Variants in AFF3 observed in about 807,000 individuals in gnomAD.
The protein encoded by AFF3 is ALF transcription elongation factor 3, also known as AF4/FMR2 family member 3.
In AFF3, 32 loss-of-function variants were observed where a neutral mutation model predicts 129.7. That is an observed-to-expected ratio of 0.25 (90% CI 0.19 to 0.33). The LOEUF (loss-of-function observed/expected upper bound fraction) is 0.33. Ranked by LOEUF, AFF3 falls within the 10% of genes least tolerant of loss-of-function variation. The pLI is 1.00. For missense variants in AFF3, 1,373 were observed against 1,592.0 expected (o/e 0.86, Z 2.34); for synonymous variants, 644 against 635.4 (o/e 1.01, Z -0.20).
At chr2:99,701,792 T>G (rs973073910) in intron 11 of AFF3, among the ~76,000 whole-genome samples, 2 of 152,212 alleles carry the variant, frequency 1.3e-5, no homozygotes, top group African/African-American at 4.8e-5. Context: ...ACCACAAACG[T>G]CTTTCATGCC....
chr2:99,557,279 CT>C (rs201716560), intron 22 of AFF3, among the ~76,000 whole-genome samples: 4,547 of 133,620 alleles, frequency 0.034, 141 homozygotes, highest in African/African-American at 0.11. Context: ...TTGTGTTTTC[CT>C]TTTTTTTTTT....
At chr2:99,590,664 G>A (rs981239090) in intron 15 of AFF3, among the ~76,000 whole-genome samples, 3 of 152,202 alleles carry the variant, frequency 2.0e-5, no homozygotes, top group Non-Finnish European at 4.4e-5. Flanking sequence ...AATGGCCAGT[G>A]CTGGGTGGAA....
chr2:99,928,909 C>T (rs533076496), intron 7 of AFF3, among the ~76,000 whole-genome samples: 2 of 152,208 alleles, frequency 1.3e-5, no homozygotes, highest in South Asian at 2.1e-4. Context: ...CAACTCTGAC[C>T]GCACAAACAC....
chr2:100,132,504 G>A (rs952669975), intron 1 of AFF3, among the ~76,000 whole-genome samples: 1 of 152,042 alleles, frequency 6.6e-6, no homozygotes, highest in African/African-American at 2.4e-5. Context: ...ACTTAATGAA[G>A]AGAGAAAAAA....
At chr2:100,123,061 T>C (rs1432500204) in intron 2 of AFF3, among the ~76,000 whole-genome samples, 1 of 152,186 alleles carries the variant, frequency 6.6e-6, no homozygotes, top group East Asian at 1.9e-4. Context: ...CAAAAATGGA[T>C]GTAAAAAAGT....
At chr2:99,552,211 C>T (rs1295000846) in intron 24 of AFF3, among the ~76,000 whole-genome samples, 1 of 152,216 alleles carries the variant, frequency 6.6e-6, no homozygotes, top group Admixed American at 6.5e-5. Flanking sequence ...CATGGCAAAA[C>T]CCTGTCTCTA....
chr2:99,962,108 CTT>C (rs1403705767), intron 7 of AFF3, among the ~76,000 whole-genome samples: 2 of 152,152 alleles, frequency 1.3e-5, no homozygotes. Context: ...AGGAAGCACT[CTT>C]TATCCATTTC....
At chr2:99,579,748 A>G (rs76224130) in intron 17 of AFF3, among the ~76,000 whole-genome samples, 19 of 74,668 alleles carry the variant, frequency 2.5e-4, no homozygotes, top group African/African-American at 2.3e-3. Flanking sequence ...GTGTGTGTGT[A>G]TATATATATA....
intron 11 of AFF3, among the ~76,000 whole-genome samples, chr2:99,697,577 A>G (rs6542888): frequency 0.076 from 11,587 of 152,314 alleles, 503 homozygotes; most frequent in East Asian, 0.11. Flanking sequence ...TTAAATAGGC[A>G]AGACATTCTG....
intron 8 of AFF3, among the ~76,000 whole-genome samples, chr2:99,783,357 T>TC (rs1381346460): frequency 2.0e-5 from 3 of 152,226 alleles, no homozygotes; most frequent in African/African-American, 7.2e-5. Flanking sequence ...TGACGCACTG[T>TC]CAGTGTCTGG....
At chr2:100,115,357 G>T (rs1216802593) in intron 2 of AFF3, among the ~76,000 whole-genome samples, 1 of 152,100 alleles carries the variant, frequency 6.6e-6, no homozygotes, top group African/African-American at 2.4e-5. Context: ...AGACCAGTTT[G>T]GCCAACATGG....
rs1313207040 is a variant in AFF3, at chr2:99,546,992, C to G, written c.*4482G>C. On this transcript the variant is annotated 3_prime_UTR_variant, in exon 25 of 25. Coordinates refer to ENST00000672756, the MANE Select transcript of AFF3 (RefSeq NM_001386135.1). ...CGCGTGTGTGCGTATGTGTATGTAT[C>G]AGGAAATAGCAAAGACAAATAGTAA... 1.4e-5 allele frequency: 3 copies of G among 220,486 alleles called. No homozygotes were observed. The highest frequency in any genetic ancestry group is 2.7e-5 in the Non-Finnish European group (3 of 110,172). The allele number at this position is 220,486 out of a possible 1,614,324, so 13.7% of individuals were successfully genotyped here. A position where few individuals can be genotyped will look rare whatever the true frequency, so the allele number is the denominator to read the frequency against.
chr2:99,700,741 A>C (rs1326202410), intron 11 of AFF3, among the ~76,000 whole-genome samples: 1 of 152,232 alleles, frequency 6.6e-6, no homozygotes, highest in African/African-American at 2.4e-5. Flanking sequence ...AACAACGTCC[A>C]GAAGACAGAC....
intron 13 of AFF3, among the ~76,000 whole-genome samples, chr2:99,628,467 A>AT (rs1292654115): frequency 6.6e-6 from 1 of 152,166 alleles, no homozygotes; most frequent in Non-Finnish European, 1.5e-5. Context: ...AACTGAGACA[A>AT]TGGGGGTTTT....
chr2:100,107,554 A>AGAAAAGAC, intron 2 of AFF3: 1 of 968,842 alleles, frequency 1.0e-6, no homozygotes. Flanking sequence ...AGTGCTTGTG[A>AGAAAAGAC]CCTGAGGGTC....
chr2:99,987,806 G>C (rs1373805326), intron 7 of AFF3, among the ~76,000 whole-genome samples: 3 of 152,168 alleles, frequency 2.0e-5, no homozygotes, highest in African/African-American at 7.2e-5. Flanking sequence ...GCAGAACTCT[G>C]ACAGAATGTA....
At chr2:99,723,481 G>C (rs1679088132) in intron 11 of AFF3, among the ~76,000 whole-genome samples, 1 of 152,162 alleles carries the variant, frequency 6.6e-6, no homozygotes, top group South Asian at 2.1e-4. Context: ...AAGCCACACT[G>C]GTTCCACCAC....
At chr2:99,915,215 G>A (rs949394474) in intron 7 of AFF3, among the ~76,000 whole-genome samples, 6 of 151,814 alleles carry the variant, frequency 4.0e-5, no homozygotes, top group Admixed American at 2.0e-4. Context: ...AGATTAAAAC[G>A]TTACATATTA....
At chr2:99,636,522 A>G (rs1683672241) in intron 13 of AFF3, among the ~76,000 whole-genome samples, 1 of 152,232 alleles carries the variant, frequency 6.6e-6, no homozygotes, top group Non-Finnish European at 1.5e-5. Context: ...GAGAGCGGCA[A>G]TGGGTAGAAG....
Sources: allele counts gnomAD v4.1 joint callset (sites outside exome capture counted in the v4.1 genomes callset), GRCh38; gene constraint gnomAD v4.1.1; transcripts MANE v1.5; gene names NCBI Gene and HGNC (gene_info 2026-07-23, HGNC 2026-07-21).